ADAMTSL1: variants seen among roughly 807,000 people sequenced by gnomAD.
ADAMTSL1 encodes the protein ADAMTS-like protein 1.
A neutral mutation model predicts 201.8 loss-of-function variants in ADAMTSL1; 126 were observed. That is an observed-to-expected ratio of 0.62 (90% confidence interval 0.54 to 0.72). The LOEUF (loss-of-function observed/expected upper bound fraction) is 0.72. ADAMTSL1 is among the 30% of genes least tolerant of loss of function. ADAMTSL1 has a pLI of 0.00. For missense variants in ADAMTSL1, 2,679 were observed against 2,277.8 expected, an observed-to-expected ratio of 1.18 and a Z score of -3.59; for synonymous variants, 1,121 against 903.4, an observed-to-expected ratio of 1.24 and a Z score of -4.32.
chr9:18,383,084 C>T (rs1006955249), intron 2 of ADAMTSL1, among the ~76,000 whole-genome samples: 1 of 152,280 alleles, frequency 6.6e-6, no homozygotes, highest in South Asian at 2.1e-4. Context: ...CAACCATGTA[C>T]ATACCATCCC....
chr9:18,467,455 T>C (rs1406341207), intron 2 of ADAMTSL1, among the ~76,000 whole-genome samples: 1 of 152,132 alleles, frequency 6.6e-6, no homozygotes, highest in Non-Finnish European at 1.5e-5. Context: ...TAAAACTAAT[T>C]ATATTAAAAA....
chr9:18,079,949 G>A (rs893150075), intron 1 of ADAMTSL1, among the ~76,000 whole-genome samples: 3 of 152,106 alleles, frequency 2.0e-5, no homozygotes, highest in Non-Finnish European at 4.4e-5. Context: ...TGGGATGAAG[G>A]CCACATGCTG....
At chr9:18,704,908 A>T (rs1294465107) in intron 13 of ADAMTSL1, among the ~76,000 whole-genome samples, 1 of 152,198 alleles carries the variant, frequency 6.6e-6, no homozygotes, top group Non-Finnish European at 1.5e-5. Flanking sequence ...ACAAGGTTAT[A>T]TGGGGACCTT....
intron 23 of ADAMTSL1, among the ~76,000 whole-genome samples, chr9:18,842,652 A>G (rs554303841): frequency 4.6e-5 from 7 of 152,156 alleles, no homozygotes; most frequent in African/African-American, 7.2e-5. Context: ...AAAGTCTCCC[A>G]TTATTGTGTG....
intron 1 of ADAMTSL1, among the ~76,000 whole-genome samples, chr9:18,149,653 A>G (rs1289276371): frequency 6.6e-6 from 1 of 152,074 alleles, no homozygotes; most frequent in Admixed American, 6.6e-5. Flanking sequence ...GAAACACTGC[A>G]TGTAGAAGTG....
rs144647885 is a variant in ADAMTSL1, at chr9:18,872,120, A to T, written c.4250-15711A>T. ...CAGAATACCCTCCCCTTCCTACTGT[A>T]TATCCCTGCTCTCTGCCTGTATCAT... On this transcript the variant is annotated intron_variant, in intron 23 of 28. Transcript: ENST00000380548. Among the ~76,000 whole-genome samples, 4 of 152,044 alleles carry T rather than the reference A, an allele frequency of 2.6e-5. No individual in the cohort carries two copies. The East Asian group carries it at 7.7e-4, about 29-fold the overall frequency.
intron 2 of ADAMTSL1, among the ~76,000 whole-genome samples, chr9:18,202,395 C>A (rs913802652): frequency 6.6e-6 from 1 of 152,230 alleles, no homozygotes; most frequent in South Asian, 2.1e-4. Context: ...AGTTAATGTT[C>A]TTTCAATACG....
chr9:18,836,578 C>G (rs1294054958), intron 23 of ADAMTSL1, among the ~76,000 whole-genome samples: 3 of 152,080 alleles, frequency 2.0e-5, no homozygotes, highest in Non-Finnish European at 4.4e-5. Context: ...TTTGGCTATT[C>G]AGGCTCTTTT....
chr9:18,123,627 A>G (rs572187244), intron 1 of ADAMTSL1, among the ~76,000 whole-genome samples: 4 of 152,344 alleles, frequency 2.6e-5, no homozygotes, highest in African/African-American at 9.6e-5. Context: ...TTTACATATC[A>G]TAAGATTTCC....
At chr9:18,802,249 T>C (rs1822848657) in intron 20 of ADAMTSL1, among the ~76,000 whole-genome samples, 1 of 152,092 alleles carries the variant, frequency 6.6e-6, no homozygotes, top group Admixed American at 6.6e-5. Flanking sequence ...CCAGCCTGAG[T>C]GCCAGAGTAA....
rs980663858 is a variant in ADAMTSL1 at position 17,924,369 on chromosome 9, G to A, written c.87+17447G>A. 1.6e-3 allele frequency among the ~76,000 whole-genome samples: 241 copies of A among 152,126 alleles called. 1 individual carries two copies. Among genetic ancestry groups the A allele is most frequent in the South Asian group, 0.012 (58 of 4,802 alleles). Reference sequence around the variant, plus strand: ...TTAGTCTTGGGAGAGTGTATGTGTCGAGGAATTTATCCATTTCGTCTAGAT... The same window carrying A: ...TTAGTCTTGGGAGAGTGTATGTGTCAAGGAATTTATCCATTTCGTCTAGAT... On this transcript the variant is annotated intron_variant, in intron 1 of 29. Coordinates refer to the ADAMTSL1 transcript ENST00000680146.
intron 1 of ADAMTSL1, among the ~76,000 whole-genome samples, chr9:18,104,609 G>A (rs1189372204): frequency 2.6e-5 from 4 of 152,078 alleles, no homozygotes; most frequent in African/African-American, 9.7e-5. Context: ...AGGGAAGGTA[G>A]GGAGGGATGA....
intron 15 of ADAMTSL1, among the ~76,000 whole-genome samples, chr9:18,750,478 T>C (rs937729047): frequency 6.6e-6 from 1 of 152,250 alleles, no homozygotes; most frequent in African/African-American, 2.4e-5. Context: ...TTGCTTTATA[T>C]AATCTTGTGT....
At chr9:18,815,711 C>CA (rs35926602) in intron 20 of ADAMTSL1, among the ~76,000 whole-genome samples, 2,938 of 67,118 alleles carry the variant, frequency 0.044, 61 homozygotes, top group Non-Finnish European at 0.058. Context: ...AACCCTGTCT[C>CA]AAAAAAAAAA....
At chr9:18,159,673 G>T (rs1360410) in intron 1 of ADAMTSL1, among the ~76,000 whole-genome samples, 28,676 of 151,880 alleles carry the variant, frequency 0.19, 2,958 homozygotes, top group East Asian at 0.24. Flanking sequence ...TAGGAAAATT[G>T]GAGGGGAAAT....
chr9:18,641,365 A>G (rs1336824976), intron 7 of ADAMTSL1, among the ~76,000 whole-genome samples: 1 of 152,104 alleles, frequency 6.6e-6, no homozygotes, highest in African/African-American at 2.4e-5. Flanking sequence ...GGATAAATAA[A>G]GAATTTTTGC....
intron 2 of ADAMTSL1, among the ~76,000 whole-genome samples, chr9:18,400,159 T>A (rs999346194): frequency 1.3e-5 from 2 of 152,198 alleles, no homozygotes; most frequent in Non-Finnish European, 2.9e-5. Context: ...TTCTTTTTTT[T>A]ACCCTAGAAC....
intron 2 of ADAMTSL1, among the ~76,000 whole-genome samples, chr9:18,254,781 T>G (rs72684969): frequency 6.6e-6 from 1 of 151,806 alleles, no homozygotes; most frequent in African/African-American, 2.4e-5. Flanking sequence ...TTGGTATGTA[T>G]AAAGTTATTA....
intron 4 of ADAMTSL1, 77 bp downstream of exon 4, chr9:18,574,343 C>G (rs1822565034): frequency 1.7e-6 from 2 of 1,208,484 alleles, no homozygotes; most frequent in South Asian, 1.2e-5. Context: ...CATAGTCTCA[C>G]TCTCTGAATC....
Sources: gnomAD v4.1 joint callset for allele counts (sites outside exome capture counted in the v4.1 genomes callset) on GRCh38, gnomAD v4.1.1 for gene constraint, MANE v1.5 for transcripts, NCBI Gene and HGNC (gene_info 2026-07-23, HGNC 2026-07-21) for gene names.